TTLL13: variants seen among roughly 807,000 people sequenced by gnomAD.
The protein encoded by TTLL13 is tubulin polyglutamylase TTLL13.
chr15:90,252,166 A>C, the TTLL13 span, among the ~76,000 whole-genome samples: 1 of 151,686 alleles, frequency 6.6e-6, no homozygotes, highest in Non-Finnish European at 1.5e-5. Context: ...CAGCCTCCCA[A>C]ATAGCTGGGA....
chr15:90,256,551 TTCTTTC>T, the TTLL13 span, among the ~76,000 whole-genome samples: 88 of 25,214 alleles, frequency 3.5e-3, 1 homozygote, highest in African/African-American at 0.013. Context: ...TCCTTTTTCT[TTCTTTC>T]TTTCTTTCTT....
the TTLL13 span, chr15:90,259,216 A>C: frequency 5.1e-6 from 2 of 393,794 alleles, no homozygotes; most frequent in Non-Finnish European, 8.9e-6. Context: ...AAAAGAAACA[A>C]AGGAATAATA....
chr15:90,264,428 C>T, the TTLL13 span, among the ~76,000 whole-genome samples: 2 of 152,272 alleles, frequency 1.3e-5, no homozygotes, highest in East Asian at 3.9e-4. Flanking sequence ...GAATCAGTCT[C>T]CCAAAGTGCT....
At chr15:90,263,624 T>G in the TTLL13 span, 1 of 587,968 alleles carries the variant, frequency 1.7e-6, no homozygotes, top group East Asian at 2.8e-5. Flanking sequence ...CCCAAAGGAG[T>G]ATCTGGTTAA....
chr15:90,251,498 T>C, the TTLL13 span: 36 of 1,512,488 alleles, frequency 2.4e-5, no homozygotes, highest in Non-Finnish European at 3.1e-5. Context: ...TCTTTTCATC[T>C]GAGTACCTGT....
At chr15:90,250,642 T>G in the TTLL13 span, 2 of 1,613,080 alleles carry the variant, frequency 1.2e-6, no homozygotes, top group East Asian at 4.5e-5. Flanking sequence ...TGGAGCCGAG[T>G]ACCTGTAGGA....
the TTLL13 span, chr15:90,263,505 C>G: frequency 6.5e-5 from 34 of 519,270 alleles, no homozygotes; most frequent in Non-Finnish European, 1.2e-4. Context: ...GCCAGTGCCC[C>G]AGCTCTAATG....
At chr15:90,258,471 C>T in the TTLL13 span, 10 of 628,196 alleles carry the variant, frequency 1.6e-5, no homozygotes, top group South Asian at 1.9e-5. Context: ...TGGCCTCTAC[C>T]GTAGGAATGC....
chr15:90,264,681 G>C, the TTLL13 span: 2 of 1,529,482 alleles, frequency 1.3e-6, no homozygotes, highest in African/African-American at 1.4e-5. Flanking sequence ...AATCTCTTCT[G>C]TGAATACCAA....
At chr15:90,264,544 A>T in the TTLL13 span, among the ~76,000 whole-genome samples, 1 of 152,200 alleles carries the variant, frequency 6.6e-6, no homozygotes, top group Non-Finnish European at 1.5e-5. Context: ...TCAAGAGGTA[A>T]TAGGAACATG....
chr15:90,262,408 G>C, the TTLL13 span: 1 of 1,361,914 alleles, frequency 7.3e-7, no homozygotes, highest in Non-Finnish European at 9.6e-7. Flanking sequence ...GTAATTTCCT[G>C]CTCTTTCCTC....
chr15:90,262,357 T>C, the TTLL13 span: 1 of 1,152,236 alleles, frequency 8.7e-7, no homozygotes, highest in Non-Finnish European at 1.2e-6. Flanking sequence ...GTTTCCTATC[T>C]TCCCCTCTCA....
chr15:90,261,953 T>C, the TTLL13 span: 1 of 1,416,032 alleles, frequency 7.1e-7, no homozygotes, highest in Middle Eastern at 1.8e-4. Context: ...TTCCTTTCCC[T>C]ACTGAACATT....
chr15:90,255,825 T>C, the TTLL13 span: 4 of 1,614,038 alleles, frequency 2.5e-6, no homozygotes, highest in African/African-American at 5.3e-5. Context: ...CTCAACCGCA[T>C]GTACAAACTC....
chr15:90,251,496 T>C, the TTLL13 span: 1 of 1,505,868 alleles, frequency 6.6e-7, no homozygotes. Context: ...TGTCTTTTCA[T>C]CTGAGTACCT....
the TTLL13 span, chr15:90,263,272 T>A: frequency 1.2e-6 from 1 of 843,900 alleles, no homozygotes; most frequent in Non-Finnish European, 1.8e-6. Context: ...GAAAGCAGAG[T>A]GCGCTAGCTG....
chr15:90,249,947 T>TTTTTTTATTTA, the TTLL13 span: 1 of 147,574 alleles, frequency 6.8e-6, no homozygotes, highest in East Asian at 2.0e-4. Flanking sequence ...CTGTATTTTA[T>TTTTTTTATTTA]TTTATTTATT....
the TTLL13 span, among the ~76,000 whole-genome samples, chr15:90,250,398 G>T: frequency 6.6e-6 from 1 of 152,198 alleles, no homozygotes; most frequent in Non-Finnish European, 1.5e-5. Context: ...ATTGGGGCTT[G>T]TCATCAGGGA....
chr15:90,251,666 A>C, the TTLL13 span: 138 of 1,553,754 alleles, frequency 8.9e-5, no homozygotes, highest in Non-Finnish European at 1.2e-4. Flanking sequence ...TTCCTCTGGA[A>C]TGGACCCCCG....
Sources: allele counts gnomAD v4.1 joint callset (sites outside exome capture counted in the v4.1 genomes callset), GRCh38; gene constraint gnomAD v4.1.1; transcripts MANE v1.5; gene names NCBI Gene and HGNC (gene_info 2026-07-23, HGNC 2026-07-21).